The following GRID2 variants were observed in gnomAD, a reference collection of about 807,000 sequenced individuals.
GRID2 encodes the protein glutamate ionotropic receptor delta type subunit 2.
A neutral mutation model predicts 114.8 loss-of-function variants in GRID2; 33 were observed. The observed-to-expected ratio is 0.29, with a 90% CI of 0.22 to 0.38. GRID2 has a LOEUF of 0.38. GRID2 is among the 10% of genes least tolerant of loss of function. The pLI is 1.00. For missense variants in GRID2, 1,184 were observed against 1,257.7 expected, an observed-to-expected ratio of 0.94 and a Z score of 0.89; for synonymous variants, 505 against 449.9, an observed-to-expected ratio of 1.12 and a Z score of -1.55.
chr4:92,789,349 C>T (rs1739465150), intron 2 of GRID2, among the ~76,000 whole-genome samples: 1 of 151,830 alleles, frequency 6.6e-6, no homozygotes, highest in Admixed American at 6.6e-5. Flanking sequence ...TTCAGGACTC[C>T]ATTAGTTGTG....
intron 8 of GRID2, among the ~76,000 whole-genome samples, chr4:93,354,728 TATGTA>T (rs1761151320): frequency 6.7e-6 from 1 of 148,272 alleles, no homozygotes; most frequent in Non-Finnish European, 1.5e-5. Context: ...TCTTTATGTA[TATGTA>T]ATATTTATGT....
chr4:93,612,107 T>C (rs1278988852), intron 13 of GRID2, among the ~76,000 whole-genome samples: 3 of 152,184 alleles, frequency 2.0e-5, no homozygotes, highest in Non-Finnish European at 4.4e-5. Flanking sequence ...GTTTAAAGTC[T>C]GTTTTATCAG....
intron 2 of GRID2, among the ~76,000 whole-genome samples, chr4:92,666,550 C>G (rs79909146): frequency 0.014 from 2,141 of 151,188 alleles, 58 homozygotes; most frequent in African/African-American, 0.049. Context: ...CACTCCTTCA[C>G]CTGGATATGC....
At chr4:93,431,510 C>A (rs907999322) in intron 10 of GRID2, among the ~76,000 whole-genome samples, 1 of 152,132 alleles carries the variant, frequency 6.6e-6, no homozygotes, top group African/African-American at 2.4e-5. Context: ...ATAAGAACTG[C>A]CAAATGTTCA....
intron 9 of GRID2, among the ~76,000 whole-genome samples, chr4:93,407,267 T>A (rs930043570): frequency 6.6e-6 from 1 of 152,120 alleles, no homozygotes; most frequent in Admixed American, 6.6e-5. Context: ...AATCTGGGGC[T>A]GGTTTACTCA....
At chr4:93,190,933 G>A (rs537806320) in intron 4 of GRID2, among the ~76,000 whole-genome samples, 1 of 151,884 alleles carries the variant, frequency 6.6e-6, no homozygotes, top group East Asian at 1.9e-4. Context: ...AAAATTATTT[G>A]TGATTTCTAT....
chr4:93,226,488 C>T (rs1358543571), intron 7 of GRID2, among the ~76,000 whole-genome samples: 1 of 152,150 alleles, frequency 6.6e-6, no homozygotes, highest in Non-Finnish European at 1.5e-5. Context: ...GAAACAATAT[C>T]CTTTTACACC....
At chr4:92,891,027 T>G (rs1442844926) in intron 2 of GRID2, among the ~76,000 whole-genome samples, 2 of 151,898 alleles carry the variant, frequency 1.3e-5, no homozygotes, top group Non-Finnish European at 2.9e-5. Flanking sequence ...AAAACTAAAT[T>G]CCTCATGTTC....
chr4:92,532,811 G>A (rs757911736), intron 1 of GRID2, among the ~76,000 whole-genome samples: 3 of 152,092 alleles, frequency 2.0e-5, no homozygotes, highest in Admixed American at 6.6e-5. Context: ...TGTGGCTCAC[G>A]CCTGTAATCT....
chr4:92,383,979 G>T (rs545314011), intron 1 of GRID2, among the ~76,000 whole-genome samples: 1 of 152,018 alleles, frequency 6.6e-6, no homozygotes, highest in Admixed American at 6.6e-5. Context: ...TAGCCTTTAA[G>T]ATATTTAATT....
intron 8 of GRID2, among the ~76,000 whole-genome samples, chr4:93,248,378 GCAGA>G (rs926634251): frequency 2.6e-5 from 4 of 152,130 alleles, no homozygotes; most frequent in Admixed American, 2.0e-4. Flanking sequence ...GCACAAGTGG[GCAGA>G]CAGTGATAGG....
chr4:92,906,013 G>T (rs186086756), intron 2 of GRID2, among the ~76,000 whole-genome samples: 1 of 152,152 alleles, frequency 6.6e-6, no homozygotes, highest in Admixed American at 6.5e-5. Flanking sequence ...GGTAGAAAAT[G>T]TGAATAAAAA....
intron 2 of GRID2, among the ~76,000 whole-genome samples, chr4:92,918,235 C>T (rs1483267260): frequency 2.0e-5 from 3 of 152,148 alleles, no homozygotes; most frequent in Non-Finnish European, 4.4e-5. Context: ...TGCCTATCAG[C>T]TTAAGGATAT....
At chr4:92,800,226 G>A (rs1270363515) in intron 2 of GRID2, among the ~76,000 whole-genome samples, 1 of 151,806 alleles carries the variant, frequency 6.6e-6, no homozygotes, top group Non-Finnish European at 1.5e-5. Context: ...CCCTTCTGAA[G>A]TTAGACTAAC....
At chr4:92,332,791 C>T (rs561361647) in intron 1 of GRID2, among the ~76,000 whole-genome samples, 1 of 152,260 alleles carries the variant, frequency 6.6e-6, no homozygotes, top group East Asian at 1.9e-4. Context: ...GAGTCCAAAA[C>T]CCAACAACGA....
At chr4:93,677,773 C>A (rs1725055330) in intron 14 of GRID2, among the ~76,000 whole-genome samples, 1 of 152,066 alleles carries the variant, frequency 6.6e-6, no homozygotes, top group African/African-American at 2.4e-5. Flanking sequence ...CACCAAAAAC[C>A]CATCTGTACA....
intron 10 of GRID2, among the ~76,000 whole-genome samples, chr4:93,448,947 C>T (rs113376778): frequency 0.032 from 3,951 of 124,506 alleles, 384 homozygotes; most frequent in African/African-American, 0.12. Flanking sequence ...CCTTCCCTTT[C>T]CCTTCCTTCT....
In GRID2 at chr4:93,177,699, A is replaced by G. The variant is rs142642248; in HGVS notation, c.736-29705A>G. 7.8e-3 allele frequency among the ~76,000 whole-genome samples: 1,191 copies of G among 152,300 alleles called. 5 individuals carry two copies. Among genetic ancestry groups the G allele is most frequent in the South Asian group, 0.031 (148 of 4,826 alleles). ...TTATGCCAACCAGCAGGTACATAGA[A>G]TCTGTCAAATTAAAACTAGGTAGTA... On this transcript the variant is annotated intron_variant, in intron 4 of 15. Transcript: ENST00000282020.
At chr4:93,456,529 AT>A (rs1723212247) in intron 11 of GRID2, among the ~76,000 whole-genome samples, 1 of 152,196 alleles carries the variant, frequency 6.6e-6, no homozygotes, top group South Asian at 2.1e-4. Flanking sequence ...TTTCTAAAGA[AT>A]GTCATTGCTC....
Sources: allele counts gnomAD v4.1 joint callset (sites outside exome capture counted in the v4.1 genomes callset), GRCh38; gene constraint gnomAD v4.1.1; transcripts MANE v1.5; gene names NCBI Gene and HGNC (gene_info 2026-07-23, HGNC 2026-07-21).